CSGALNACT1: variants seen among roughly 807,000 people sequenced by gnomAD.
CSGALNACT1 encodes beta4GalNAcT-1.
A neutral mutation model predicts 51.0 loss-of-function variants in CSGALNACT1; 52 were observed. The ratio of observed to expected loss-of-function variants is 1.02; its 90% CI spans 0.82 to 1.29. The LOEUF is 1.29. CSGALNACT1 is among the 50% of genes most tolerant of loss of function. CSGALNACT1 has a pLI of 0.00. For synonymous variants in CSGALNACT1, 341 were observed against 254.4 expected, an observed-to-expected ratio of 1.34 and a Z score of -3.24; for missense variants, 935 against 679.2, an observed-to-expected ratio of 1.38 and a Z score of -4.19.
intron 4 of CSGALNACT1, among the ~76,000 whole-genome samples, chr8:19,494,635 G>T (rs1488801588): frequency 6.6e-6 from 1 of 152,142 alleles, no homozygotes; most frequent in Non-Finnish European, 1.5e-5. Flanking sequence ...ATCTCATTCT[G>T]TCCCATTACA....
intron 3 of CSGALNACT1, among the ~76,000 whole-genome samples, chr8:19,552,039 T>C (rs1373575312): frequency 3.3e-5 from 5 of 152,244 alleles, no homozygotes; most frequent in Non-Finnish European, 5.9e-5. Context: ...ATCAATTTTT[T>C]AGTCTACAAA....
intron 1 of CSGALNACT1, among the ~76,000 whole-genome samples, chr8:19,645,322 T>C (rs1401109214): frequency 9.2e-5 from 14 of 152,170 alleles, no homozygotes; most frequent in Admixed American, 9.2e-4. Flanking sequence ...CATCCTCTAA[T>C]GAAGACATGG....
chr8:19,506,622 T>C (rs544653282), intron 3 of CSGALNACT1, among the ~76,000 whole-genome samples: 4 of 152,322 alleles, frequency 2.6e-5, no homozygotes, highest in African/African-American at 9.6e-5. Flanking sequence ...GTTTAGATCA[T>C]GGGAGTGGAT....
At chr8:19,429,491 T>C (rs1174546720) in intron 6 of CSGALNACT1, among the ~76,000 whole-genome samples, 7 of 152,222 alleles carry the variant, frequency 4.6e-5, no homozygotes, top group African/African-American at 1.4e-4. Flanking sequence ...ATTGACCTTT[T>C]ACATCTGGCT....
rs1431853352 is a variant in CSGALNACT1, at chr8:19,599,517, AAAG to A, written c.-416+2251_-416+2253del. Among the ~76,000 whole-genome samples, 30 of 148,146 alleles carry A rather than the reference AAAG, an allele frequency of 2.0e-4. 1 individual carries two copies. The highest frequency in any genetic ancestry group is 6.2e-4 in the African/African-American group (25 of 40,004). ...GAAAGAAAGAAAGAAAGAAAGAAAG[AAAG>A]AAAGAAAAGAAAGAAAAAGAAGGAA... On this transcript the variant is annotated intron_variant, in intron 2 of 9. Coordinates refer to ENST00000454498, the Ensembl canonical transcript of CSGALNACT1.
At chr8:19,650,959 G>C (rs1315467882) in intron 1 of CSGALNACT1, among the ~76,000 whole-genome samples, 1 of 152,156 alleles carries the variant, frequency 6.6e-6, no homozygotes, top group Non-Finnish European at 1.5e-5. Flanking sequence ...ATAATTCTAA[G>C]AGTTTACAGC....
intron 3 of CSGALNACT1, among the ~76,000 whole-genome samples, chr8:19,561,906 G>A (rs1251937386): frequency 6.6e-6 from 1 of 152,102 alleles, no homozygotes; most frequent in Non-Finnish European, 1.5e-5. Context: ...TGGGTGGGGA[G>A]GGATTGCTAT....
At chr8:19,696,869 C>A (rs1465322407) in intron 1 of CSGALNACT1, among the ~76,000 whole-genome samples, 2 of 152,088 alleles carry the variant, frequency 1.3e-5, no homozygotes, top group African/African-American at 2.4e-5. Context: ...GTGGGCATTT[C>A]CCAGAAAGAC....
Position 19,701,026 on chromosome 8 carries a change from G to A in CSGALNACT1, c.-297+56824C>T, listed in dbSNP as rs148917678. 3.2e-4 allele frequency among the ~76,000 whole-genome samples: 49 copies of A among 152,212 alleles called. No individual in the cohort carries two copies. In the East Asian group the frequency reaches 9.3e-3, roughly 29 times the overall value. Reference sequence around the variant, plus strand: ...GTAAAGAGAGCTTATTCAGCTTGCAGGTGCCTTTCTGACCTTCCACCCTTC... The same window carrying A: ...GTAAAGAGAGCTTATTCAGCTTGCAAGTGCCTTTCTGACCTTCCACCCTTC... On this transcript the variant is annotated intron_variant, in intron 1 of 1. Transcript: ENST00000517494.
chr8:19,703,457 C>T (rs2061989013), intron 1 of CSGALNACT1, among the ~76,000 whole-genome samples: 1 of 152,154 alleles, frequency 6.6e-6, no homozygotes, highest in Admixed American at 6.5e-5. Context: ...GCACCTGCCA[C>T]CAAGCCCGGC....
intron 3 of CSGALNACT1, among the ~76,000 whole-genome samples, chr8:19,586,082 G>T (rs188852303): frequency 1.3e-5 from 2 of 152,266 alleles, no homozygotes; most frequent in Admixed American, 6.5e-5. Context: ...GTAAAATGGG[G>T]CTGGGTGTGG....
intron 1 of CSGALNACT1, among the ~76,000 whole-genome samples, chr8:19,615,397 G>A (rs770863283): frequency 4.6e-5 from 7 of 152,290 alleles, no homozygotes; most frequent in South Asian, 2.1e-4. Flanking sequence ...AAGAATGCTC[G>A]TGACTTCTTT....
chr8:19,459,269 G>T (rs2064827790), intron 4 of CSGALNACT1, among the ~76,000 whole-genome samples: 1 of 151,330 alleles, frequency 6.6e-6, no homozygotes, highest in Non-Finnish European at 1.5e-5. Context: ...TGTAACCCTG[G>T]CTACTTGGGA....
intron 6 of CSGALNACT1, among the ~76,000 whole-genome samples, chr8:19,438,559 G>T (rs1020819582): frequency 1.3e-5 from 2 of 152,184 alleles, no homozygotes; most frequent in African/African-American, 2.4e-5. Flanking sequence ...ACTCATTATT[G>T]CTTTAGAGCA....
chr8:19,698,718 G>A (rs111987634), intron 1 of CSGALNACT1, among the ~76,000 whole-genome samples: 283 of 152,148 alleles, frequency 1.9e-3, no homozygotes, highest in African/African-American at 6.4e-3. Context: ...GTGAATCACC[G>A]GTAGGAATGC....
In CSGALNACT1 at chr8:19,524,349, G is replaced by T. The variant is rs78645284; in HGVS notation, c.-296-18219C>A. ...TTCCCACCATCCCCACTCCAATTCCGCTATTAACGATGCATGTTATTTTAA... is the reference window on the plus strand; with the variant it reads ...TTCCCACCATCCCCACTCCAATTCCTCTATTAACGATGCATGTTATTTTAA... On this transcript the variant is annotated intron_variant, in intron 3 of 9. Transcript: ENST00000454498. 5.1e-3 allele frequency among the ~76,000 whole-genome samples: 775 copies of T among 152,064 alleles called. 10 individuals carry two copies. Among genetic ancestry groups the T allele is most frequent in the Admixed American group, 0.03 (465 of 15,282 alleles).
At chr8:19,513,436 C>CTCTCTCTCTCTCTCTATA in intron 3 of CSGALNACT1, among the ~76,000 whole-genome samples, 36 of 81,972 alleles carry the variant, frequency 4.4e-4, no homozygotes, top group East Asian at 3.9e-3. Context: ...CTCTCTCTCT[C>CTCTCTCTCTCTCTCTATA]TATATATATA....
At chr8:19,464,055 G>A (rs75248461) in intron 4 of CSGALNACT1, among the ~76,000 whole-genome samples, 126 of 152,292 alleles carry the variant, frequency 8.3e-4, no homozygotes, top group Non-Finnish European at 1.3e-3. Flanking sequence ...GCGTGCAGAC[G>A]GGTTGTGACA....
chr8:19,485,702 T>TATGTAA (rs1221083600), intron 4 of CSGALNACT1, among the ~76,000 whole-genome samples: 2 of 151,272 alleles, frequency 1.3e-5, no homozygotes, highest in East Asian at 3.9e-4. Flanking sequence ...CACCTTATCT[T>TATGTAA]ATGTAAAACA....
Sources: gnomAD v4.1 joint callset for allele counts (sites outside exome capture counted in the v4.1 genomes callset) on GRCh38, gnomAD v4.1.1 for gene constraint, MANE v1.5 for transcripts, NCBI Gene and HGNC (gene_info 2026-07-23, HGNC 2026-07-21) for gene names.